SNTG2: variants seen among roughly 807,000 people sequenced by gnomAD.
SNTG2 encodes syntrophin gamma 2.
Under a neutral mutation model 70.9 loss-of-function variants are expected in SNTG2, and 74 were observed. The ratio of observed to expected loss-of-function variants is 1.04; its 90% CI spans 0.86 to 1.27. The LOEUF is 1.27. Among genes scored for constraint, SNTG2 ranks in the 50% most tolerant of loss-of-function variants. SNTG2 has a pLI of 0.00. For synonymous variants in SNTG2, 278 were observed against 273.8 expected (o/e 1.02, Z -0.15); for missense variants, 717 against 690.7 (o/e 1.04, Z -0.43).
In SNTG2 at chr2:1,209,085, C is replaced by G; in HGVS notation, c.592-18C>G. On this transcript the variant is annotated intron_variant, in intron 8 of 16. Coordinates refer to ENST00000308624, the MANE Select transcript of SNTG2 (RefSeq NM_018968.4). ...TCCTCTGCCTCTGTGACGCTTCATT[C>G]TCCTTTCTTCTGTACAGGCCCCATC... The G allele has an allele frequency of 6.2e-7, 1 of 1,612,422 alleles. No individual in the cohort carries two copies. The highest frequency in any genetic ancestry group is 1.1e-5 in the South Asian group (1 of 90,874).
chr2:964,757 C>T (rs559603346), intron 1 of SNTG2, among the ~76,000 whole-genome samples: 10 of 152,308 alleles, frequency 6.6e-5, no homozygotes, highest in South Asian at 4.1e-4. Context: ...TCTGCCACAG[C>T]GGGTCCCGCC....
intron 16 of SNTG2, among the ~76,000 whole-genome samples, chr2:1,323,776 A>G (rs1315434940): frequency 7.0e-6 from 1 of 143,880 alleles, no homozygotes; most frequent in Non-Finnish European, 1.5e-5. Flanking sequence ...CATGGCTGAG[A>G]CCCCCTAGTA....
chr2:1,047,558 G>C (rs1369460501), intron 1 of SNTG2, among the ~76,000 whole-genome samples: 1 of 152,172 alleles, frequency 6.6e-6, no homozygotes, highest in Admixed American at 6.5e-5. Flanking sequence ...TGTTTTCAGA[G>C]GGCCAAGGCT....
chr2:1,262,862 C>CCG (rs1678518492), intron 13 of SNTG2: 1 of 152,322 alleles, frequency 6.6e-6, no homozygotes, highest in East Asian at 1.9e-4. Flanking sequence ...GCCTAGCCAG[C>CCG]CGCTGACTGA....
At chr2:1,060,214 G>T (rs1474190079) in intron 1 of SNTG2, among the ~76,000 whole-genome samples, 1 of 152,108 alleles carries the variant, frequency 6.6e-6, no homozygotes, top group East Asian at 1.9e-4. Context: ...TAAATTAAAG[G>T]AAGTAAAAAG....
In SNTG2 at chr2:1,097,681, C is replaced by T. The variant is rs1665484820; in HGVS notation, c.211-515C>T. 6.6e-6 allele frequency among the ~76,000 whole-genome samples: 1 copy of T among 152,068 alleles called. No individual in the cohort carries two copies. Among genetic ancestry groups the T allele is most frequent in the Admixed American group, 6.5e-5 (1 of 15,284 alleles). On this transcript the variant is annotated intron_variant, in intron 2 of 16. Coordinates refer to ENST00000308624, the MANE Select transcript of SNTG2 (RefSeq NM_018968.4). The surrounding 1 kb of genome is among the most constrained non-coding windows in gnomAD (Gnocchi z 4.1). ...TATCACAACCTACCCTTAAATATCC[C>T]AGACATCTGTGGTCAGAGGACGTGA...
intron 1 of SNTG2, among the ~76,000 whole-genome samples, chr2:1,025,233 A>G (rs1199956030): frequency 2.6e-5 from 4 of 152,172 alleles, no homozygotes; most frequent in African/African-American, 9.7e-5. Context: ...GAGCAACTTC[A>G]AGAGACTCAT....
intron 16 of SNTG2, 64 bp downstream of exon 16, chr2:1,316,439 C>A: frequency 1.2e-6 from 1 of 810,494 alleles, no homozygotes; most frequent in Non-Finnish European, 2.0e-6. Flanking sequence ...CTCAGAGGGT[C>A]CGCTGGTAAA....
intron 8 of SNTG2, among the ~76,000 whole-genome samples, chr2:1,204,930 T>G (rs966220598): frequency 1.1e-4 from 17 of 152,212 alleles, no homozygotes; most frequent in African/African-American, 3.9e-4. Flanking sequence ...CAGATTCCAC[T>G]TTTTATTATC....
chr2:1,358,699 T>A (rs1262903430), intron 16 of SNTG2, among the ~76,000 whole-genome samples: 1 of 152,186 alleles, frequency 6.6e-6, no homozygotes, highest in Non-Finnish European at 1.5e-5. Flanking sequence ...TTCATGCTTT[T>A]GTAGTTGAAG....
chr2:1,342,211 G>C (rs984350530), intron 16 of SNTG2, among the ~76,000 whole-genome samples: 9 of 143,812 alleles, frequency 6.3e-5, no homozygotes, highest in South Asian at 2.3e-4. Context: ...CTTGCTTCTG[G>C]CTTGTTATGA....
At chr2:1,159,075 C>T (rs900432981) in intron 6 of SNTG2, among the ~76,000 whole-genome samples, 4 of 150,752 alleles carry the variant, frequency 2.7e-5, no homozygotes, top group Middle Eastern at 3.4e-3. Context: ...TGTGTGTGCA[C>T]GTGTGTCCGT....
chr2:1,068,783 T>G (rs1663325436), intron 1 of SNTG2, among the ~76,000 whole-genome samples: 1 of 152,232 alleles, frequency 6.6e-6, no homozygotes, highest in Non-Finnish European at 1.5e-5. Context: ...GGCATAAAGA[T>G]AGCAATAATC....
chr2:1,119,182 G>T (rs1440621768), intron 4 of SNTG2, among the ~76,000 whole-genome samples: 1 of 152,036 alleles, frequency 6.6e-6, no homozygotes, highest in Non-Finnish European at 1.5e-5. Flanking sequence ...CAGCAAAGCT[G>T]CCCTTCAGAA....
At chr2:1,074,210 CG>C in intron 1 of SNTG2, among the ~76,000 whole-genome samples, 1 of 152,320 alleles carries the variant, frequency 6.6e-6, no homozygotes, top group Non-Finnish European at 1.5e-5. Flanking sequence ...GTGTGACCCT[CG>C]TCTGCCCGGG....
At chr2:1,065,792 A>C (rs1056422932) in intron 1 of SNTG2, among the ~76,000 whole-genome samples, 1 of 152,188 alleles carries the variant, frequency 6.6e-6, no homozygotes, top group Non-Finnish European at 1.5e-5. Context: ...CTTGTGTTGT[A>C]GGATTGGTGG....
At chr2:1,095,351 C>A (rs895852610) in intron 2 of SNTG2, among the ~76,000 whole-genome samples, 12 of 152,114 alleles carry the variant, frequency 7.9e-5, no homozygotes, top group African/African-American at 2.9e-4. Context: ...ATTTAGAGAC[C>A]TAAATACCTA....
intron 2 of SNTG2, among the ~76,000 whole-genome samples, chr2:1,096,189 A>T (rs1335201487): frequency 6.6e-6 from 1 of 152,156 alleles, no homozygotes; most frequent in Non-Finnish European, 1.5e-5. Flanking sequence ...AATGGGATTT[A>T]TTTATTCAGC....
rs530386158 is a variant in SNTG2, at chr2:1,212,833, A to C, written c.719+3603A>C. Among the ~76,000 whole-genome samples the C allele has an allele frequency of 2.6e-5, 4 of 152,310 alleles. No homozygotes were observed. The South Asian group carries it at 8.3e-4, about 32-fold the overall frequency. On this transcript the variant is annotated intron_variant, in intron 9 of 16. Coordinates refer to ENST00000308624, the MANE Select transcript of SNTG2 (RefSeq NM_018968.4). Reference sequence around the variant, plus strand: ...GGATGGAGTTCTAAAATTCCTGTGTATCTTCTCCTGAGGGCTCCTCAGTCT... The same window carrying C: ...GGATGGAGTTCTAAAATTCCTGTGTCTCTTCTCCTGAGGGCTCCTCAGTCT...
Sources: allele counts gnomAD v4.1 joint callset (sites outside exome capture counted in the v4.1 genomes callset), GRCh38; gene constraint gnomAD v4.1.1; non-coding constraint Gnocchi (gnomAD v3.1); transcripts MANE v1.5; gene names NCBI Gene and HGNC (gene_info 2026-07-23, HGNC 2026-07-21).